Variants in MTRF1 observed in about 807,000 individuals in gnomAD.
MTRF1 encodes the protein peptide chain release factor 1, mitochondrial.
MTRF1 carries 51 observed loss-of-function variants against 62.9 expected under a neutral mutation model. The observed-to-expected ratio is 0.81, with a 90% CI of 0.65 to 1.02. MTRF1 has a LOEUF of 1.02. MTRF1 is among the 50% of genes least tolerant of loss of function. The probability of loss-of-function intolerance (pLI) is 0.00; values close to 1 mark genes in which losing one functional copy is unlikely to be tolerated. For synonymous variants in MTRF1, 158 were observed against 181.9 expected (o/e 0.87, Z 1.06); for missense variants, 446 against 530.0 (o/e 0.84, Z 1.56).
the MTRF1 span, among the ~76,000 whole-genome samples, chr13:41,294,194 C>T: frequency 6.6e-6 from 1 of 151,914 alleles, no homozygotes; most frequent in Non-Finnish European, 1.5e-5. Context: ...CCAAGGCAGG[C>T]AGATCACGAG....
chr13:41,241,163 T>C (rs1158988924), intron 5 of MTRF1, among the ~76,000 whole-genome samples: 2 of 152,014 alleles, frequency 1.3e-5, no homozygotes, highest in African/African-American at 4.8e-5. Context: ...TCCTGCCTCG[T>C]TCTCTTGAGT....
At position 41,217,095 on chromosome 13, in the gene MTRF1, AAAT is replaced by A. The variant is rs1414628483; in HGVS notation, c.*17_*19del. ...AGGTCCATTTCATTTATATAATCATAAATAATAATAAGTTAGTATTTATTTTGC... is the reference window on the plus strand; with the variant it reads ...AGGTCCATTTCATTTATATAATCATAAATAATAAGTTAGTATTTATTTTGC... On this transcript the variant is annotated 3_prime_UTR_variant, in exon 10 of 10. Transcript: ENST00000379480. 5 of 1,406,420 alleles carry A rather than the reference AAAT, an allele frequency of 3.6e-6. No individual in the cohort carries two copies. Among genetic ancestry groups the A allele is most frequent in the Admixed American group, 1.8e-5 (1 of 56,060 alleles). The allele number at this position is 1,406,420 out of a possible 1,614,324, so 87.1% of individuals were successfully genotyped here. A position where few individuals can be genotyped will look rare whatever the true frequency, so the allele number is the denominator to read the frequency against.
At chr13:41,255,523 C>T (rs971042951) in intron 2 of MTRF1, among the ~76,000 whole-genome samples, 1 of 152,112 alleles carries the variant, frequency 6.6e-6, no homozygotes, top group Non-Finnish European at 1.5e-5. Context: ...GAAATCCCAT[C>T]TCTACTAAAA....
chr13:41,308,194 A>G, the MTRF1 span, among the ~76,000 whole-genome samples: 1 of 152,230 alleles, frequency 6.6e-6, no homozygotes, highest in East Asian at 1.9e-4. Context: ...GTAGTAAATA[A>G]GGCTGGAAGA....
chr13:41,250,714 G>C (rs539531779), intron 5 of MTRF1, among the ~76,000 whole-genome samples: 1 of 152,182 alleles, frequency 6.6e-6, no homozygotes, highest in South Asian at 2.1e-4. Context: ...GGCTGGTCTC[G>C]AACTGTCTCC....
At chr13:41,297,106 G>C in the MTRF1 span, among the ~76,000 whole-genome samples, 1 of 152,200 alleles carries the variant, frequency 6.6e-6, no homozygotes, top group East Asian at 1.9e-4. Context: ...TCATTCATGA[G>C]GATCGTTAAG....
At chr13:41,299,292 G>A in the MTRF1 span, among the ~76,000 whole-genome samples, 1 of 152,102 alleles carries the variant, frequency 6.6e-6, no homozygotes, top group East Asian at 1.9e-4. Context: ...TTGTACTTTT[G>A]TCCTACTCTT....
chr13:41,261,234 T>C (rs954600334), intron 1 of MTRF1: 5 of 192,268 alleles, frequency 2.6e-5, no homozygotes, highest in Admixed American at 5.3e-5. Context: ...CTCAGGAGTC[T>C]GAGGCAGGAG....
chr13:41,230,491 C>T (rs1273197778), intron 7 of MTRF1, among the ~76,000 whole-genome samples: 3 of 151,088 alleles, frequency 2.0e-5, no homozygotes, highest in Non-Finnish European at 4.4e-5. Flanking sequence ...CTTGAACTCC[C>T]GACCTCAGGT....
At chr13:41,304,572 G>A in the MTRF1 span, among the ~76,000 whole-genome samples, 1 of 152,166 alleles carries the variant, frequency 6.6e-6, no homozygotes, top group Admixed American at 6.5e-5. Flanking sequence ...TTTGCAAATA[G>A]GGGAGACACA....
Position 41,223,314 on chromosome 13 carries a change from T to C in MTRF1, c.1166A>G (p.Asn389Ser). The C allele has an allele frequency of 1.9e-6, 3 of 1,614,046 alleles. No homozygotes were observed. The highest frequency in any genetic ancestry group is 2.5e-6 in the Non-Finnish European group (3 of 1,179,958). ...GTCACTGACTCTATCCTGGGTGAAA[T>C]TATATGTCCGAATTCGCTCTGACTG... is the stretch of plus-strand genomic sequence containing the variant. ...RAQSERIRTY[N>S]FTQDRVSDHR... The change falls in exon 9 of 10, where the codon AAT becomes AGT. Residue 389 changes from asparagine (N) to serine (S), a missense_variant. Coordinates refer to ENST00000379480, the MANE Select transcript of MTRF1 (RefSeq NM_004294.4).
In MTRF1 at chr13:41,226,480, C is replaced by T. The variant is rs370165130; in HGVS notation, c.1077G>A (p.Gln359=). 101 of 1,613,538 alleles carry T rather than the reference C, an allele frequency of 6.3e-5. No individual in the cohort carries two copies. The highest frequency in any genetic ancestry group is 8.4e-5 in the Non-Finnish European group (99 of 1,179,944). The part of the protein sequence containing the change: ...FRVLRARLYQ[Q]IIEKDKRQQQ... The stretch of plus-strand genomic sequence containing the variant: ...GCTGACGCTTGTCTTTCTCAATAAT[C>T]TGCTGGTAGAGTCTAGCTCTCAACA... The change falls in exon 8 of 10, where the codon CAG becomes CAA. Residue 359 remains glutamine (Q), a synonymous_variant. Coordinates refer to ENST00000379480, the MANE Select transcript of MTRF1 (RefSeq NM_004294.4).
the MTRF1 span, among the ~76,000 whole-genome samples, chr13:41,308,047 G>C: frequency 6.6e-6 from 1 of 152,160 alleles, no homozygotes; most frequent in South Asian, 2.1e-4. Flanking sequence ...GGAAGTGGAA[G>C]TTGGCAGTGG....
At chr13:41,220,495 G>T in intron 9 of MTRF1, 1 of 920,588 alleles carries the variant, frequency 1.1e-6, no homozygotes, top group Non-Finnish European at 1.5e-6. Flanking sequence ...TTATATGGTA[G>T]TCTGTGCTTA....
intron 7 of MTRF1, among the ~76,000 whole-genome samples, chr13:41,227,869 T>C (rs898775254): frequency 1.3e-5 from 2 of 152,252 alleles, no homozygotes; most frequent in African/African-American, 4.8e-5. Flanking sequence ...GTTTAATCAC[T>C]TCCTGACTGC....
chr13:41,295,106 G>T, the MTRF1 span, among the ~76,000 whole-genome samples: 2 of 152,130 alleles, frequency 1.3e-5, no homozygotes, highest in Non-Finnish European at 2.9e-5. Flanking sequence ...CCCTGGGAAA[G>T]GTACATCTTT....
At chr13:41,268,396 G>T (rs555800837), upstream of MTRF1, among the ~76,000 whole-genome samples, 26 of 152,158 alleles carry the variant, frequency 1.7e-4, no homozygotes, top group South Asian at 5.2e-3. Flanking sequence ...AATATCGAAG[G>T]TTTAAAAACA....
the MTRF1 span, among the ~76,000 whole-genome samples, chr13:41,296,213 T>G: frequency 2.6e-5 from 4 of 152,178 alleles, no homozygotes; most frequent in African/African-American, 4.8e-5. Context: ...CTCAATGTGC[T>G]GGGACTAAAG....
At chr13:41,249,130 T>TA (rs1445429924) in intron 5 of MTRF1, among the ~76,000 whole-genome samples, 4 of 151,888 alleles carry the variant, frequency 2.6e-5, no homozygotes, top group Non-Finnish European at 4.4e-5. Flanking sequence ...AATTAAACAT[T>TA]AAAAAAAAAT....
Sources: allele counts gnomAD v4.1 joint callset (sites outside exome capture counted in the v4.1 genomes callset), GRCh38; gene constraint gnomAD v4.1.1; transcripts MANE v1.5; gene names NCBI Gene and HGNC (gene_info 2026-07-23, HGNC 2026-07-21).